CNOT1: variants seen among roughly 807,000 people sequenced by gnomAD.
CNOT1 encodes the protein CCR4-associated factor 1.
Under a neutral mutation model 273.8 loss-of-function variants are expected in CNOT1, and 15 were observed. The observed-to-expected ratio is 0.05, with a 90% CI of 0.04 to 0.08. The LOEUF is 0.08. Ranked by LOEUF, CNOT1 falls within the 10% of genes least tolerant of loss-of-function variation. The pLI is 1.00. For missense variants in CNOT1, 1,644 were observed against 2,912.2 expected, an observed-to-expected ratio of 0.56 and a Z score of 10.02; for synonymous variants, 1,022 against 1,005.5, an observed-to-expected ratio of 1.02 and a Z score of -0.31.
intron 1 of CNOT1, among the ~76,000 whole-genome samples, chr16:58,600,062 T>G (rs2042407034): frequency 6.6e-6 from 1 of 150,908 alleles, no homozygotes; most frequent in African/African-American, 2.4e-5. Flanking sequence ...AGACTCCAAC[T>G]TGGGGGAAAA....
At position 58,587,294 on chromosome 16, in the gene CNOT1, G is replaced by A. The variant is rs201194040; in HGVS notation, c.379-39C>T. The A allele has an allele frequency of 4.2e-5, 68 of 1,613,332 alleles. 1 individual carries two copies. Among genetic ancestry groups the A allele is most frequent in the Admixed American group, 1.0e-4 (6 of 59,820 alleles). ...GATTAGATTAACCAAAGAGTCAAAT[G>A]GCTGTTTTTAATTCTAGTTTTGTCT... On this transcript the variant is annotated intron_variant, in intron 5 of 48. Transcript: ENST00000317147.
chr16:58,627,384 A>T (rs2043628025), intron 1 of CNOT1, among the ~76,000 whole-genome samples: 1 of 131,458 alleles, frequency 7.6e-6, no homozygotes, highest in East Asian at 2.6e-4. Context: ...CAGCCTGGTG[A>T]CAGAGCGAGA....
rs768378869 is a variant in CNOT1, at chr16:58,558,572, T to C, written c.2233A>G (p.Ser745Gly). ...GCTTTTGCTGGTGACTGAGGGGTACTGAATGCAGAACCCAAATTTGGAGGA... is the reference window on the plus strand; with the variant it reads ...GCTTTTGCTGGTGACTGAGGGGTACCGAATGCAGAACCCAAATTTGGAGGA... ...GFPPNLGSAFSTPQSPAKAFP... is the reference protein window; with the variant it reads ...GFPPNLGSAFGTPQSPAKAFP... The change falls in exon 18 of 49, where the codon AGT becomes GGT. Residue 745 changes from serine (S) to glycine (G), a missense_variant. Physicochemically the swap from Ser to Gly is moderately conservative, Grantham distance 56. This residue lies in a region of CNOT1 where 706 missense variants were observed against 1,021.2 expected (regional missense o/e 0.69). Coordinates refer to ENST00000317147, the MANE Select transcript of CNOT1 (RefSeq NM_016284.5). 1 of 1,613,504 alleles carries C rather than the reference T, an allele frequency of 6.2e-7. No homozygotes were observed. The highest frequency in any genetic ancestry group is 8.5e-7 in the Non-Finnish European group (1 of 1,179,726).
chr16:58,574,596 A>G lies in CNOT1; in HGVS notation c.1979+13T>C, dbSNP rs2041398615. 1.3e-6 allele frequency: 2 copies of G among 1,568,180 alleles called. No homozygotes were observed. Among genetic ancestry groups the G allele is most frequent in the Non-Finnish European group, 1.7e-6 (2 of 1,164,952 alleles). Reference sequence around the variant, plus strand: ...AATTCAAAAAAAGTCATATTCATGTATGTACTTCTTACCCTGCACAAGCTT... The same window carrying G: ...AATTCAAAAAAAGTCATATTCATGTGTGTACTTCTTACCCTGCACAAGCTT... On this transcript the variant is annotated intron_variant, in intron 16 of 48. Coordinates refer to ENST00000317147, the MANE Select transcript of CNOT1 (RefSeq NM_016284.5).
intron 13 of CNOT1, among the ~76,000 whole-genome samples, chr16:58,578,071 A>G (rs1395276403): frequency 6.6e-6 from 1 of 152,216 alleles, no homozygotes; most frequent in African/African-American, 2.4e-5. Flanking sequence ...TGACATCAAT[A>G]CCTTCTGCCT....
Position 58,543,670 on chromosome 16 carries a change from G to A in CNOT1, c.4371C>T (p.Cys1457=), listed in dbSNP as rs1465312067. ...NLTAGMAMIT[C]REPLLMSIST... Reference sequence around the variant, plus strand: ...ATATGCTCATGAGCAAAGGTTCCCTGCATGTAATCATAGCCATTCCAGCTG... The same window carrying A: ...ATATGCTCATGAGCAAAGGTTCCCTACATGTAATCATAGCCATTCCAGCTG... The change falls in exon 31 of 49, where the codon TGC becomes TGT. Residue 1457 remains cysteine (C), a synonymous_variant. Transcript: ENST00000317147. 6 of 1,614,186 alleles carry A rather than the reference G, an allele frequency of 3.7e-6. No individual in the cohort carries two copies. The highest frequency in any genetic ancestry group is 5.1e-6 in the Non-Finnish European group (6 of 1,180,040).
chr16:58,553,643 A>C, intron 22 of CNOT1, 139 bp downstream of exon 22: 1 of 1,069,794 alleles, frequency 9.3e-7, no homozygotes, highest in Non-Finnish European at 1.2e-6. Flanking sequence ...AACCTCAACA[A>C]AAGATATGTG....
At chr16:58,579,472 G>T (rs2041579171) in intron 12 of CNOT1, among the ~76,000 whole-genome samples, 1 of 151,988 alleles carries the variant, frequency 6.6e-6, no homozygotes, top group Admixed American at 6.6e-5. Flanking sequence ...TTATAAAAAT[G>T]GAAAGAGCCC....
chr16:58,572,538 G>C (rs1353045170), intron 16 of CNOT1, among the ~76,000 whole-genome samples: 1 of 151,948 alleles, frequency 6.6e-6, no homozygotes, highest in African/African-American at 2.4e-5. Flanking sequence ...AGAGTTTGAG[G>C]GGGGAGGTGG....
chr16:58,620,241 A>C (rs532115754), intron 1 of CNOT1, among the ~76,000 whole-genome samples: 26 of 152,342 alleles, frequency 1.7e-4, no homozygotes, highest in Admixed American at 9.2e-4. Context: ...CTGGCCAAGG[A>C]TGGCAAAAAA....
chr16:58,587,463 A>T (rs372579340), intron 4 of CNOT1, 50 bp from the exon 5 acceptor site: 229 of 1,607,808 alleles, frequency 1.4e-4, no homozygotes, highest in Non-Finnish European at 1.9e-4. Flanking sequence ...TTTTTCAAGA[A>T]GTTTTTAACA....
At chr16:58,538,967 A>G (rs1450056740) in intron 35 of CNOT1, 53 bp from the exon 36 acceptor site, 22 of 1,586,048 alleles carry the variant, frequency 1.4e-5, no homozygotes, top group Admixed American at 1.1e-4. Flanking sequence ...GCTTGGCCCA[A>G]CTATCACAGC....
intron 1 of CNOT1, among the ~76,000 whole-genome samples, chr16:58,625,513 A>T (rs1000362093): frequency 6.6e-6 from 1 of 151,708 alleles, no homozygotes; most frequent in African/African-American, 2.4e-5. Flanking sequence ...ACCCTGTTTT[A>T]AAAAAACATA....
chr16:58,535,470 A>G (rs1440905893), intron 39 of CNOT1, among the ~76,000 whole-genome samples: 2 of 152,254 alleles, frequency 1.3e-5, no homozygotes, highest in Non-Finnish European at 2.9e-5. Context: ...TATCTTTTTC[A>G]AGAGAAAGAT....
At chr16:58,619,488 C>T (rs2043225248) in intron 1 of CNOT1, among the ~76,000 whole-genome samples, 1 of 151,266 alleles carries the variant, frequency 6.6e-6, no homozygotes, top group Non-Finnish European at 1.5e-5. Context: ...AGTGCAGTGG[C>T]GCGATCTCAG....
intron 39 of CNOT1, among the ~76,000 whole-genome samples, chr16:58,535,718 A>G (rs975688670): frequency 1.3e-5 from 2 of 152,096 alleles, no homozygotes; most frequent in Non-Finnish European, 2.9e-5. Context: ...TTTGAAAAGT[A>G]AACCTAATTT....
In CNOT1 at chr16:58,528,661, A is replaced by C. The variant is rs751933352; in HGVS notation, c.6280-13T>G. On this transcript the variant is annotated splice_polypyrimidine_tract_variant and intron_variant, in intron 43 of 48. Coordinates refer to ENST00000317147, the MANE Select transcript of CNOT1 (RefSeq NM_016284.5). Reference sequence around the variant, plus strand: ...CTCTTAAAGTGCCCTATTTTTAAAAAACAAGAAAAATATTTCCACACTAAG... The same window carrying C: ...CTCTTAAAGTGCCCTATTTTTAAAACACAAGAAAAATATTTCCACACTAAG... 3.2e-6 allele frequency: 5 copies of C among 1,582,934 alleles called. No homozygotes were observed. The highest frequency in any genetic ancestry group is 1.1e-5 in the South Asian group (1 of 86,996).
intron 1 of CNOT1, among the ~76,000 whole-genome samples, chr16:58,621,524 C>T (rs1324725687): frequency 1.3e-5 from 2 of 151,530 alleles, no homozygotes; most frequent in Non-Finnish European, 2.9e-5. Flanking sequence ...CCGCCCGCCT[C>T]GGCCTCCCAA....
intron 1 of CNOT1, among the ~76,000 whole-genome samples, chr16:58,611,349 A>G (rs910031177): frequency 6.6e-6 from 1 of 151,926 alleles, no homozygotes; most frequent in Admixed American, 6.6e-5. Flanking sequence ...GAATTGCTTG[A>G]TCCCGGGAAG....
Sources: gnomAD v4.1 joint callset for allele counts (sites outside exome capture counted in the v4.1 genomes callset) on GRCh38, gnomAD v4.1.1 for gene constraint, gnomAD v4.1.1 regional missense constraint, MANE v1.5 for transcripts, NCBI Gene and HGNC (gene_info 2026-07-23, HGNC 2026-07-21) for gene names.